The following AGBL1 variants were observed in gnomAD, a reference collection of about 807,000 sequenced individuals.
The protein encoded by AGBL1 is AGBL carboxypeptidase 1.
A neutral mutation model predicts 118.9 loss-of-function variants in AGBL1; 130 were observed. That is an observed-to-expected ratio of 1.09 (90% CI 0.95 to 1.26). The LOEUF (loss-of-function observed/expected upper bound fraction) is 1.26, where lower values mean the gene tolerates loss of function less well. AGBL1 is among the 50% of genes most tolerant of loss of function. The pLI is 0.00. For synonymous variants in AGBL1, 555 were observed against 478.9 expected (o/e 1.16, Z -2.08); for missense variants, 1,584 against 1,298.1 (o/e 1.22, Z -3.38).
chr15:87,002,612 T>A (rs1300899927), intron 24 of AGBL1, among the ~76,000 whole-genome samples: 1 of 152,096 alleles, frequency 6.6e-6, no homozygotes, highest in Non-Finnish European at 1.5e-5. Flanking sequence ...ATCCATGAGC[T>A]TGGAATGTTC....
At chr15:86,186,679 G>C (rs537527858) in intron 5 of AGBL1, among the ~76,000 whole-genome samples, 154 of 152,074 alleles carry the variant, frequency 1.0e-3, no homozygotes, top group African/African-American at 3.6e-3. Context: ...TCTCACAGAG[G>C]GTATCATTAC....
chr15:86,415,975 T>C (rs567018849), intron 18 of AGBL1, among the ~76,000 whole-genome samples: 2 of 152,230 alleles, frequency 1.3e-5, no homozygotes, highest in East Asian at 3.9e-4. Flanking sequence ...TTCACATGAC[T>C]TTTTTTTCAC....
At chr15:86,965,130 C>G (rs1178865311) in intron 23 of AGBL1, among the ~76,000 whole-genome samples, 2 of 152,088 alleles carry the variant, frequency 1.3e-5, no homozygotes, top group Non-Finnish European at 2.9e-5. Context: ...GACTTATAAT[C>G]CTTTGGGTAC....
chr15:86,354,228 G>T, intron 17 of AGBL1, among the ~76,000 whole-genome samples: 1 of 152,212 alleles, frequency 6.6e-6, no homozygotes, highest in East Asian at 1.9e-4. Flanking sequence ...TATGGTTCAG[G>T]TAGTCATAGG....
chr15:86,417,703 G>C (rs1345344667), intron 18 of AGBL1, among the ~76,000 whole-genome samples: 2 of 152,214 alleles, frequency 1.3e-5, no homozygotes, highest in Non-Finnish European at 2.9e-5. Flanking sequence ...CAGCGGCAAA[G>C]AGTGTGTGTG....
intron 22 of AGBL1, among the ~76,000 whole-genome samples, chr15:86,836,898 T>C (rs1364178657): frequency 6.6e-6 from 1 of 152,208 alleles, no homozygotes; most frequent in Non-Finnish European, 1.5e-5. Flanking sequence ...GTTTCCTTTA[T>C]GCTAATTTTC....
chr15:86,261,090 C>T (rs1162165563), intron 9 of AGBL1, among the ~76,000 whole-genome samples: 2 of 152,160 alleles, frequency 1.3e-5, no homozygotes, highest in Non-Finnish European at 2.9e-5. Flanking sequence ...TTGACAAAAA[C>T]AACCAGTGGG....
At position 86,215,313 on chromosome 15, in the gene AGBL1, G is replaced by C. The variant is rs370336927; in HGVS notation, c.489-9601G>C. On this transcript the variant is annotated intron_variant, in intron 5 of 22. Coordinates refer to ENST00000614907, the MANE Select transcript of AGBL1 (RefSeq NM_001386094.1). The stretch of plus-strand genomic sequence containing the variant: ...CTCTCAATTCAGGCAGGAGGCCGGC[G>C]CTGTAGCAGATGGTATTCTAAACAA... Among the ~76,000 whole-genome samples, 6 of 151,278 alleles carry C rather than the reference G, an allele frequency of 4.0e-5. No homozygotes were observed. The East Asian group carries it at 9.7e-4, about 25-fold the overall frequency.
At chr15:86,866,910 G>C (rs1488945966) in intron 22 of AGBL1, among the ~76,000 whole-genome samples, 3 of 152,220 alleles carry the variant, frequency 2.0e-5, no homozygotes, top group Non-Finnish European at 4.4e-5. Flanking sequence ...TCCCAGAGAA[G>C]AGAGTATCAG....
chr15:86,554,739 GC>G (rs1281494502), intron 21 of AGBL1, among the ~76,000 whole-genome samples: 1 of 152,180 alleles, frequency 6.6e-6, no homozygotes, highest in Non-Finnish European at 1.5e-5. Flanking sequence ...ATGCGTGCAT[GC>G]TTTCCAATTT....
chr15:86,471,830 G>C (rs1270424319), intron 18 of AGBL1, among the ~76,000 whole-genome samples: 1 of 152,134 alleles, frequency 6.6e-6, no homozygotes, highest in Non-Finnish European at 1.5e-5. Context: ...AAAGATATTG[G>C]CATGTCTTGA....
At chr15:86,279,304 A>T (rs1269631080) in intron 15 of AGBL1, among the ~76,000 whole-genome samples, 1 of 152,206 alleles carries the variant, frequency 6.6e-6, no homozygotes, top group Non-Finnish European at 1.5e-5. Flanking sequence ...GAAACCCAAG[A>T]AAAACAGAAC....
chr15:86,522,687 T>G, intron 18 of AGBL1, 123 bp from the exon 19 acceptor site: 1 of 1,252,644 alleles, frequency 8.0e-7, no homozygotes, highest in Non-Finnish European at 1.1e-6. Context: ...TTGATGCCAA[T>G]TGGGAAGAAA....
chr15:86,784,771 A>G (rs566285855), intron 22 of AGBL1, among the ~76,000 whole-genome samples: 4 of 152,268 alleles, frequency 2.6e-5, no homozygotes, highest in Admixed American at 6.5e-5. Context: ...AAAATACAAT[A>G]GTGCTCAGTA....
intron 22 of AGBL1, among the ~76,000 whole-genome samples, chr15:86,842,793 A>G (rs1429509183): frequency 6.6e-6 from 1 of 152,142 alleles, no homozygotes; most frequent in African/African-American, 2.4e-5. Flanking sequence ...GAAGCAGAGG[A>G]TTCAGCTCTG....
intron 17 of AGBL1, among the ~76,000 whole-genome samples, chr15:86,323,799 C>A (rs2080142006): frequency 6.6e-6 from 1 of 152,206 alleles, no homozygotes. Flanking sequence ...AGGTCATGGA[C>A]CATTGGTGCT....
chr15:86,082,245 C>T (rs759112052), intron 1 of AGBL1, among the ~76,000 whole-genome samples: 1 of 152,198 alleles, frequency 6.6e-6, no homozygotes, highest in African/African-American at 2.4e-5. Flanking sequence ...ATCCCTGCTC[C>T]CCATGGACTT....
intron 17 of AGBL1, among the ~76,000 whole-genome samples, chr15:86,303,138 T>C (rs1445393902): frequency 6.6e-6 from 1 of 152,198 alleles, no homozygotes; most frequent in African/African-American, 2.4e-5. Flanking sequence ...TTGTTAACTT[T>C]ATGACCTTGG....
At chr15:86,239,968 T>C (rs929220400) in intron 6 of AGBL1, among the ~76,000 whole-genome samples, 1 of 152,218 alleles carries the variant, frequency 6.6e-6, no homozygotes, top group Non-Finnish European at 1.5e-5. Flanking sequence ...TCCATAGATA[T>C]ATACAATCAT....
Sources: allele counts gnomAD v4.1 joint callset (sites outside exome capture counted in the v4.1 genomes callset), GRCh38; gene constraint gnomAD v4.1.1; transcripts MANE v1.5; gene names NCBI Gene and HGNC (gene_info 2026-07-23, HGNC 2026-07-21).